Variants in TMEM161B observed in about 807,000 individuals in gnomAD.
TMEM161B encodes the protein transmembrane protein 161B.
Under a neutral mutation model 61.8 loss-of-function variants are expected in TMEM161B, and 34 were observed. The ratio of observed to expected loss-of-function variants is 0.55; its 90% CI spans 0.42 to 0.73. The LOEUF (loss-of-function observed/expected upper bound fraction) is 0.73, where lower values mean the gene tolerates loss of function less well. Ranked by LOEUF, TMEM161B falls within the 30% of genes least tolerant of loss-of-function variation. The pLI is 0.00. For synonymous variants in TMEM161B, 167 were observed against 192.8 expected, an observed-to-expected ratio of 0.87 and a Z score of 1.11; for missense variants, 456 against 558.5, an observed-to-expected ratio of 0.82 and a Z score of 1.85.
chr5:88,227,173 G>C (rs940169949), intron 3 of TMEM161B, among the ~76,000 whole-genome samples: 63 of 152,158 alleles, frequency 4.1e-4, no homozygotes, highest in African/African-American at 1.4e-3. Flanking sequence ...CTGAGTGACA[G>C]AGTGAGACTC....
At chr5:88,204,770 G>A (rs978878587) in intron 8 of TMEM161B, among the ~76,000 whole-genome samples, 3 of 151,678 alleles carry the variant, frequency 2.0e-5, no homozygotes, top group Middle Eastern at 3.2e-3. Flanking sequence ...AAAAAGAAGA[G>A]GGATGAAGGA....
intron 3 of TMEM161B, among the ~76,000 whole-genome samples, chr5:88,227,753 TAA>T: frequency 6.6e-6 from 1 of 152,336 alleles, no homozygotes; most frequent in South Asian, 2.1e-4. Context: ...ACAGGGGACC[TAA>T]GAAGTCCTCC....
chr5:88,229,998 C>T (rs1472316790), intron 2 of TMEM161B, among the ~76,000 whole-genome samples: 2 of 151,834 alleles, frequency 1.3e-5, no homozygotes, highest in African/African-American at 4.8e-5. Context: ...TTGAGACCAA[C>T]CTGGGCAACA....
At position 88,195,612 on chromosome 5, in the gene TMEM161B, C is replaced by A. The variant is rs529330101; in HGVS notation, c.*599G>T. ...TTTAAAACAATACTCTTGCTATTCT[C>A]AAGCAGCAGTAGTTATATATTTTAA... On this transcript the variant is annotated 3_prime_UTR_variant, in exon 12 of 12. Coordinates refer to ENST00000296595, the MANE Select transcript of TMEM161B (RefSeq NM_153354.5). 1.6e-4 allele frequency: 154 copies of A among 984,914 alleles called. No individual in the cohort carries two copies. The highest frequency in any genetic ancestry group is 1.8e-4 in the Non-Finnish European group (148 of 829,244). 61.0% of individuals were successfully genotyped at this position (984,914 alleles called of 1,614,324 possible).
intron 1 of TMEM161B, among the ~76,000 whole-genome samples, chr5:88,241,905 T>C (rs1467953210): frequency 6.6e-6 from 1 of 151,752 alleles, no homozygotes; most frequent in African/African-American, 2.4e-5. Flanking sequence ...GTCACTTATA[T>C]CTACATCTGT....
chr5:88,241,091 T>A (rs1490376725), intron 1 of TMEM161B, among the ~76,000 whole-genome samples, 175 bp from the exon 2 acceptor site: 2 of 151,584 alleles, frequency 1.3e-5, no homozygotes, highest in African/African-American at 2.4e-5. Context: ...ATCAAAAATA[T>A]GCAGGAAAAA....
chr5:88,260,740 A>C (rs914891279), intron 1 of TMEM161B, among the ~76,000 whole-genome samples: 1 of 152,204 alleles, frequency 6.6e-6, no homozygotes, highest in African/African-American at 2.4e-5. Context: ...GCCACTTTTC[A>C]CAAAGTCATT....
downstream of TMEM161B, among the ~76,000 whole-genome samples, chr5:88,188,880 G>C (rs1748532112): frequency 6.6e-6 from 1 of 152,152 alleles, no homozygotes; most frequent in Non-Finnish European, 1.5e-5. Flanking sequence ...GGCACCGGCT[G>C]GTCTTGCCAC....
chr5:88,254,412 G>A (rs1275920148), intron 1 of TMEM161B, among the ~76,000 whole-genome samples: 1 of 152,180 alleles, frequency 6.6e-6, no homozygotes, highest in African/African-American at 2.4e-5. Flanking sequence ...AGCTGTAAAA[G>A]AAAGGAGAGG....
intron 1 of TMEM161B, among the ~76,000 whole-genome samples, chr5:88,260,552 A>C (rs1372835498): frequency 6.6e-6 from 1 of 152,188 alleles, no homozygotes; most frequent in Admixed American, 6.5e-5. Context: ...CCTGGGCTCA[A>C]GTGATCTACC....
At chr5:88,202,840 A>G in intron 9 of TMEM161B, 122 bp downstream of exon 9, 1 of 741,632 alleles carries the variant, frequency 1.3e-6, no homozygotes, top group Non-Finnish European at 2.4e-6. Flanking sequence ...ATCTTTTAGC[A>G]TTCCTATTAA....
At chr5:88,228,689 AG>A (rs886200836) in intron 2 of TMEM161B, among the ~76,000 whole-genome samples, 161 bp from the exon 3 acceptor site, 7 of 152,208 alleles carry the variant, frequency 4.6e-5, no homozygotes, top group African/African-American at 1.4e-4. Flanking sequence ...AAACTTTAAA[AG>A]GGTTTAGATA....
At chr5:88,189,787 T>C (rs1748601806) in exon 13 of TMEM161B, 1 of 390,548 alleles carries the variant, frequency 2.6e-6, no homozygotes, top group Non-Finnish European at 4.7e-6. Flanking sequence ...CCTGCTCTTT[T>C]AGAAGGGGTA....
intron 1 of TMEM161B, among the ~76,000 whole-genome samples, chr5:88,267,551 C>A (rs1756552401): frequency 1.3e-5 from 2 of 152,038 alleles, no homozygotes; most frequent in African/African-American, 4.8e-5. Context: ...GAAGCCTCTG[C>A]AAGTGAGGGT....
chr5:88,219,922 GAA>G (rs1748604223), intron 5 of TMEM161B, among the ~76,000 whole-genome samples: 1 of 151,714 alleles, frequency 6.6e-6, no homozygotes, highest in African/African-American at 2.4e-5. Context: ...AGACAGTGAA[GAA>G]AGTCACAGGA....
intron 2 of TMEM161B, among the ~76,000 whole-genome samples, chr5:88,235,396 C>T (rs779293528): frequency 1.3e-5 from 2 of 152,168 alleles, no homozygotes; most frequent in African/African-American, 2.4e-5. Context: ...TGTTTATGGT[C>T]CCCACCCCCC....
chr5:88,240,134 T>C (rs1224392634), intron 2 of TMEM161B, among the ~76,000 whole-genome samples: 1 of 151,874 alleles, frequency 6.6e-6, no homozygotes, highest in Non-Finnish European at 1.5e-5. Context: ...TTAGCTCCTT[T>C]GTGGAAGGAG....
intron 2 of TMEM161B, among the ~76,000 whole-genome samples, chr5:88,238,865 T>C (rs1182202441): frequency 2.6e-5 from 4 of 151,800 alleles, no homozygotes; most frequent in Non-Finnish European, 5.9e-5. Flanking sequence ...AGGTAGATAA[T>C]CTTAAAAACA....
At chr5:88,248,617 C>A (rs1420755898) in intron 1 of TMEM161B, among the ~76,000 whole-genome samples, 2 of 151,512 alleles carry the variant, frequency 1.3e-5, no homozygotes, top group East Asian at 3.9e-4. Context: ...CCAGGGAGAC[C>A]CAGGCTGCTA....
Sources: gnomAD v4.1 joint callset for allele counts (sites outside exome capture counted in the v4.1 genomes callset) on GRCh38, gnomAD v4.1.1 for gene constraint, MANE v1.5 for transcripts, NCBI Gene and HGNC (gene_info 2026-07-23, HGNC 2026-07-21) for gene names.